SLC4A4: variants seen among roughly 807,000 people sequenced by gnomAD.
SLC4A4 encodes the protein electrogenic sodium bicarbonate cotransporter 1.
A neutral mutation model predicts 111.5 loss-of-function variants in SLC4A4; 27 were observed. The observed-to-expected ratio is 0.24, with a 90% CI of 0.18 to 0.33. The LOEUF is 0.33. Among genes scored for constraint, SLC4A4 ranks in the 10% least tolerant of loss-of-function variants. The pLI is 1.00. For missense variants in SLC4A4, 909 were observed against 1,315.5 expected (o/e 0.69, Z 4.78); for synonymous variants, 443 against 463.4 (o/e 0.96, Z 0.57).
chr4:71,536,455 TAC>T (rs1180872485), intron 18 of SLC4A4, among the ~76,000 whole-genome samples: 13 of 33,148 alleles, frequency 3.9e-4, no homozygotes, highest in Non-Finnish European at 5.7e-4. Context: ...TATACATATA[TAC>T]ATATATACAT....
chr4:71,202,705 C>T lies in SLC4A4; in HGVS notation c.-2+15304C>T, dbSNP rs539346822. On this transcript the variant is annotated intron_variant, in intron 1 of 25. Coordinates refer to ENST00000264485, the MANE Select transcript of SLC4A4 (RefSeq NM_001098484.3). ...TTAATTTAAATTGCTCGTACTTATT[C>T]TCCATTTCTTTTAAAGAAATGAGAT... is the stretch of plus-strand genomic sequence containing the variant. 2.3e-4 allele frequency among the ~76,000 whole-genome samples: 35 copies of T among 152,150 alleles called. 1 individual carries two copies. The highest frequency in any genetic ancestry group is 7.9e-4 in the Admixed American group (12 of 15,280).
chr4:71,341,221 A>G (rs1728879927), intron 4 of SLC4A4, among the ~76,000 whole-genome samples: 1 of 152,188 alleles, frequency 6.6e-6, no homozygotes, highest in Non-Finnish European at 1.5e-5. Context: ...CAGTGAGCAA[A>G]TGAGGATCTT....
intron 7 of SLC4A4, among the ~76,000 whole-genome samples, chr4:71,422,163 C>T (rs747713327): frequency 1.3e-3 from 177 of 140,690 alleles, no homozygotes; most frequent in African/African-American, 3.2e-3. Flanking sequence ...ATATCACCAC[C>T]GATCCCACAG....
intron 16 of SLC4A4, among the ~76,000 whole-genome samples, chr4:71,499,738 C>A (rs1730737725): frequency 6.6e-6 from 1 of 151,448 alleles, no homozygotes; most frequent in African/African-American, 2.4e-5. Context: ...TAATGTTATC[C>A]AAATTATTGC....
chr4:71,186,544 G>A (rs1179274596), upstream of SLC4A4, among the ~76,000 whole-genome samples: 1 of 151,958 alleles, frequency 6.6e-6, no homozygotes. Context: ...TCCGGAGCCG[G>A]GTCCTCCGCC....
In SLC4A4 at chr4:71,129,369, C is replaced by T. The variant is rs573531404; in HGVS notation, c.-2+36577C>T. On this transcript the variant is annotated intron_variant, in intron 2 of 26. Coordinates refer to the SLC4A4 transcript ENST00000649996. ...ACCAACAAGTATATGAAAAAAAATG[C>T]TCAACATCATTAATTATTAGAGAAA... 1.8e-4 allele frequency among the ~76,000 whole-genome samples: 27 copies of T among 152,098 alleles called. No homozygotes were observed. In the South Asian group the frequency reaches 2.5e-3, roughly 14 times the overall value.
intron 2 of SLC4A4, among the ~76,000 whole-genome samples, chr4:71,116,598 A>C (rs1352486913): frequency 6.6e-6 from 1 of 152,206 alleles, no homozygotes. Flanking sequence ...CATTGTAAGG[A>C]AGCTGGTTAA....
At chr4:71,322,538 G>T (rs1351963642) in intron 3 of SLC4A4, among the ~76,000 whole-genome samples, 1 of 152,046 alleles carries the variant, frequency 6.6e-6, no homozygotes, top group African/African-American at 2.4e-5. Flanking sequence ...ATTTCCTAAT[G>T]TTGATGAGAA....
At chr4:71,153,420 A>G (rs932822941) in intron 2 of SLC4A4, among the ~76,000 whole-genome samples, 4 of 152,052 alleles carry the variant, frequency 2.6e-5, no homozygotes, top group African/African-American at 9.7e-5. Context: ...AATCATCACA[A>G]CTGGCTTCCT....
In SLC4A4 at chr4:71,558,863, T is replaced by A. The variant is rs950133491; in HGVS notation, c.2937+978T>A. 6.6e-5 allele frequency among the ~76,000 whole-genome samples: 10 copies of A among 151,178 alleles called. No individual in the cohort carries two copies. The East Asian group carries it at 7.8e-4, about 12-fold the overall frequency. ...GGCTTATGTCTTTCTTTCCTTTTTT[T>A]AAAAAAAAACTATATTAACTTACTG... On this transcript the variant is annotated intron_variant, in intron 22 of 25. Coordinates refer to ENST00000264485, the MANE Select transcript of SLC4A4 (RefSeq NM_001098484.3).
intron 12 of SLC4A4, among the ~76,000 whole-genome samples, chr4:71,464,706 C>T (rs891472336): frequency 2.6e-5 from 4 of 152,228 alleles, no homozygotes; most frequent in Middle Eastern, 3.4e-3. Flanking sequence ...ACATTATTAT[C>T]TAGTGCTGCT....
intron 15 of SLC4A4, among the ~76,000 whole-genome samples, chr4:71,495,560 A>G (rs1057083549): frequency 3.9e-5 from 6 of 152,094 alleles, no homozygotes; most frequent in African/African-American, 9.7e-5. Flanking sequence ...AGGGAAAGAT[A>G]TATAGTTTGT....
chr4:71,488,504 A>G (rs1378179070), intron 15 of SLC4A4, among the ~76,000 whole-genome samples: 1 of 151,744 alleles, frequency 6.6e-6, no homozygotes, highest in Non-Finnish European at 1.5e-5. Flanking sequence ...TAGAGACCAC[A>G]TGTGTTACAC....
At chr4:71,190,269 T>C (rs1285284746) in intron 1 of SLC4A4, among the ~76,000 whole-genome samples, 2 of 152,190 alleles carry the variant, frequency 1.3e-5, no homozygotes, top group Non-Finnish European at 2.9e-5. Context: ...ATGGAAAATA[T>C]GCTGCTGTTC....
intron 14 of SLC4A4, among the ~76,000 whole-genome samples, chr4:71,485,394 C>T (rs1729281336): frequency 2.0e-5 from 3 of 151,522 alleles, no homozygotes; most frequent in African/African-American, 4.8e-5. Context: ...TTGAGATAAT[C>T]TGGTATTTTT....
At chr4:71,189,675 A>G (rs1745646112) in intron 1 of SLC4A4, among the ~76,000 whole-genome samples, 1 of 152,196 alleles carries the variant, frequency 6.6e-6, no homozygotes, top group Non-Finnish European at 1.5e-5. Flanking sequence ...AATAAACAGG[A>G]TTCCTTGCCT....
chr4:71,337,189 T>G, intron 3 of SLC4A4, among the ~76,000 whole-genome samples: 1 of 152,354 alleles, frequency 6.6e-6, no homozygotes, highest in South Asian at 2.1e-4. Flanking sequence ...TTACTATTAA[T>G]ATACCATGTT....
intron 7 of SLC4A4, among the ~76,000 whole-genome samples, chr4:71,417,145 G>A (rs1579051784): frequency 6.6e-6 from 1 of 152,196 alleles, no homozygotes; most frequent in East Asian, 1.9e-4. Flanking sequence ...TTTATGGAAT[G>A]CTTATTGCAA....
At chr4:71,367,965 T>C (rs935421198) in intron 6 of SLC4A4, among the ~76,000 whole-genome samples, 9 of 152,224 alleles carry the variant, frequency 5.9e-5, no homozygotes, top group African/African-American at 1.9e-4. Flanking sequence ...TGCATACTTA[T>C]GTGAATAGAT....
Sources: gnomAD v4.1 joint callset for allele counts (sites outside exome capture counted in the v4.1 genomes callset) on GRCh38, gnomAD v4.1.1 for gene constraint, MANE v1.5 for transcripts, NCBI Gene and HGNC (gene_info 2026-07-23, HGNC 2026-07-21) for gene names.